Variants in PARD3B observed in about 807,000 individuals in gnomAD.
PARD3B encodes the protein partitioning defective 3 homolog B.
PARD3B carries 103 observed loss-of-function variants against 130.2 expected under a neutral mutation model. That is an observed-to-expected ratio of 0.79 (90% CI 0.67 to 0.93). PARD3B has a LOEUF of 0.93. Ranked by LOEUF, PARD3B falls within the 40% of genes least tolerant of loss-of-function variation. The pLI is 0.00. For synonymous variants in PARD3B, 583 were observed against 553.2 expected (o/e 1.05, Z -0.76); for missense variants, 1,609 against 1,499.2 (o/e 1.07, Z -1.21).
chr2:204,663,932 T>C (rs1259335889), intron 1 of PARD3B, among the ~76,000 whole-genome samples: 1 of 152,222 alleles, frequency 6.6e-6, no homozygotes, highest in South Asian at 2.1e-4. Context: ...TCGCTGAAGT[T>C]GTAAAACACA....
chr2:205,028,742 G>A (rs1482537613), intron 3 of PARD3B, among the ~76,000 whole-genome samples: 2 of 152,146 alleles, frequency 1.3e-5, no homozygotes, highest in Admixed American at 6.6e-5. Flanking sequence ...GTCTCTGTTT[G>A]CAGATGTCAT....
intron 2 of PARD3B, among the ~76,000 whole-genome samples, chr2:204,947,240 T>C (rs1689398561): frequency 6.6e-6 from 1 of 152,198 alleles, no homozygotes; most frequent in Non-Finnish European, 1.5e-5. Context: ...GGGAATTATG[T>C]CTATAGAGAG....
intron 20 of PARD3B, among the ~76,000 whole-genome samples, chr2:205,486,536 G>A (rs1483458291): frequency 2.0e-5 from 3 of 152,154 alleles, no homozygotes; most frequent in African/African-American, 4.8e-5. Context: ...CGGGCTGTAC[G>A]GGAAACATGG....
intron 1 of PARD3B, among the ~76,000 whole-genome samples, chr2:204,679,595 A>C (rs2036723513): frequency 6.6e-6 from 1 of 152,126 alleles, no homozygotes; most frequent in Non-Finnish European, 1.5e-5. Flanking sequence ...TTTAAATCAT[A>C]AATGTTTTGC....
intron 2 of PARD3B, among the ~76,000 whole-genome samples, chr2:204,862,239 A>T (rs1453070806): frequency 6.6e-6 from 1 of 152,142 alleles, no homozygotes; most frequent in East Asian, 1.9e-4. Flanking sequence ...TGCAGTGGAA[A>T]CCTCTGGGTC....
rs1030469885 is a variant in PARD3B, at chr2:205,280,249, G to A, written c.2186-20281G>A. 6.6e-6 allele frequency among the ~76,000 whole-genome samples: 1 copy of A among 152,104 alleles called. No homozygotes were observed. The highest frequency in any genetic ancestry group is 1.5e-5 in the Non-Finnish European group (1 of 68,014). On this transcript the variant is annotated intron_variant, in intron 16 of 22. Transcript: ENST00000406610. This position sits in a 1 kb window ranked among gnomAD's most constrained non-coding sequence, Gnocchi z 4.7. ...TGGAACAGAAAAATAACATTAACAG[G>A]TTATTAAACTGTTTGTCACCAAAGA...
intron 3 of PARD3B, among the ~76,000 whole-genome samples, chr2:204,998,164 C>T (rs1024445688): frequency 2.0e-5 from 3 of 148,778 alleles, no homozygotes; most frequent in Non-Finnish European, 3.0e-5. Context: ...ACACCAGGGC[C>T]TGTCATGGGG....
chr2:205,022,078 T>C (rs1442641277), intron 3 of PARD3B, among the ~76,000 whole-genome samples: 3 of 152,206 alleles, frequency 2.0e-5, no homozygotes, highest in Non-Finnish European at 4.4e-5. Context: ...ATTGCTTAGA[T>C]TTAACAATAC....
intron 1 of PARD3B, among the ~76,000 whole-genome samples, chr2:204,570,041 T>A (rs1357575634): frequency 6.6e-6 from 1 of 152,130 alleles, no homozygotes; most frequent in Non-Finnish European, 1.5e-5. Flanking sequence ...GAGTAATGGT[T>A]CCAATGACTG....
At chr2:205,491,804 A>G (rs2049725787) in intron 20 of PARD3B, among the ~76,000 whole-genome samples, 1 of 152,154 alleles carries the variant, frequency 6.6e-6, no homozygotes, top group Non-Finnish European at 1.5e-5. Flanking sequence ...AGAAAGACAA[A>G]AGGTCAGCCT....
Position 204,650,937 on chromosome 2 carries a change from C to A in PARD3B, c.121-35244C>A, listed in dbSNP as rs530516351. On this transcript the variant is annotated intron_variant, in intron 1 of 22. Coordinates refer to ENST00000406610, the MANE Select transcript of PARD3B (RefSeq NM_001302769.2). ...GGAAGTGCCACACACTTTCAGACAA[C>A]CAGATCTCAGGATAACTCACACACT... is the stretch of plus-strand genomic sequence containing the variant. Among the ~76,000 whole-genome samples the A allele has an allele frequency of 2.6e-5, 4 of 152,016 alleles. No homozygotes were observed. In the East Asian group the frequency reaches 7.7e-4, roughly 29 times the overall value.
At chr2:205,238,625 A>G (rs868115947) in intron 15 of PARD3B, among the ~76,000 whole-genome samples, 33 of 151,776 alleles carry the variant, frequency 2.2e-4, no homozygotes, top group South Asian at 6.3e-4. Context: ...TGAGGTCAGG[A>G]GTTCGAGACC....
chr2:204,794,485 G>C (rs115377839), intron 2 of PARD3B, among the ~76,000 whole-genome samples: 4 of 152,258 alleles, frequency 2.6e-5, no homozygotes, highest in African/African-American at 9.6e-5. Context: ...CTGGCTTGTA[G>C]TATTTGCTGA....
chr2:204,686,398 T>C, intron 2 of PARD3B, 116 bp downstream of exon 2: 5 of 792,838 alleles, frequency 6.3e-6, no homozygotes, highest in Non-Finnish European at 1.1e-5. Flanking sequence ...TACCATCTGT[T>C]CAGGTTTCAC....
rs79111461 is a variant in PARD3B, at chr2:204,922,554, G to A, written c.223-42598G>A. Among the ~76,000 whole-genome samples the A allele has an allele frequency of 2.6e-5, 4 of 152,044 alleles. No homozygotes were observed. The East Asian group carries it at 5.8e-4, about 22-fold the overall frequency. On this transcript the variant is annotated intron_variant, in intron 2 of 22. Coordinates refer to ENST00000406610, the MANE Select transcript of PARD3B (RefSeq NM_001302769.2). ...AAGTCATATTGCATTTGGTTGAGGA[G>A]CAAATCAGTGTTGTCACATTGGAAG... is the stretch of plus-strand genomic sequence containing the variant.
intron 20 of PARD3B, among the ~76,000 whole-genome samples, chr2:205,482,271 G>A (rs2106292318): frequency 6.6e-6 from 1 of 152,278 alleles, no homozygotes; most frequent in African/African-American, 2.4e-5. Context: ...GATTGGAGCA[G>A]TAGGAAGGCA....
At position 204,626,916 on chromosome 2, in the gene PARD3B, C is replaced by A. The variant is rs576736416; in HGVS notation, c.121-59265C>A. On this transcript the variant is annotated intron_variant, in intron 1 of 22. Coordinates refer to ENST00000406610, the MANE Select transcript of PARD3B (RefSeq NM_001302769.2). Reference sequence around the variant, plus strand: ...TTCTGTGTCTGCACCCAAATCTCATCTTGAATTGTAATCCCCACATGTTGA... The same window carrying A: ...TTCTGTGTCTGCACCCAAATCTCATATTGAATTGTAATCCCCACATGTTGA... Among the ~76,000 whole-genome samples the A allele has an allele frequency of 3.8e-4, 58 of 152,230 alleles. 1 individual carries two copies. Among genetic ancestry groups the A allele is most frequent in the Middle Eastern group, 3.4e-3 (1 of 294 alleles).
intron 2 of PARD3B, among the ~76,000 whole-genome samples, chr2:204,749,979 C>T (rs1178569009): frequency 6.6e-6 from 1 of 152,084 alleles, no homozygotes; most frequent in Non-Finnish European, 1.5e-5. Context: ...TACTTGTTAA[C>T]ACTCATCTCT....
At chr2:205,475,134 C>T (rs1386396439) in intron 20 of PARD3B, among the ~76,000 whole-genome samples, 1 of 152,080 alleles carries the variant, frequency 6.6e-6, no homozygotes, top group East Asian at 1.9e-4. Flanking sequence ...GCTATATCTA[C>T]TTGGACCTTG....
Sources: gnomAD v4.1 joint callset for allele counts (sites outside exome capture counted in the v4.1 genomes callset) on GRCh38, gnomAD v4.1.1 for gene constraint, Gnocchi (gnomAD v3.1) non-coding constraint, MANE v1.5 for transcripts, NCBI Gene and HGNC (gene_info 2026-07-23, HGNC 2026-07-21) for gene names.